INTS6: variants seen among roughly 807,000 people sequenced by gnomAD.
INTS6 encodes integrator complex subunit 6.
Under a neutral mutation model 104.9 loss-of-function variants are expected in INTS6, and 16 were observed. The observed-to-expected ratio is 0.15, with a 90% confidence interval of 0.10 to 0.23. INTS6 has a LOEUF of 0.23. Among genes scored for constraint, INTS6 ranks in the 10% least tolerant of loss-of-function variants. The pLI, the probability that INTS6 is intolerant of heterozygous loss-of-function variation, is 1.00. For missense variants in INTS6, 584 were observed against 1,062.8 expected (o/e 0.55, Z 6.26); for synonymous variants, 324 against 358.7 (o/e 0.90, Z 1.09).
At chr13:51,361,338 A>G (rs75627877), downstream of INTS6, 3,549 of 1,609,296 alleles carry the variant, frequency 2.2e-3, 69 homozygotes, top group African/African-American at 0.037. Flanking sequence ...GTTTTGGAGG[A>G]AGGCACCAAG....
chr13:51,432,725 G>A (rs116353878), intron 3 of INTS6, among the ~76,000 whole-genome samples: 2 of 152,186 alleles, frequency 1.3e-5, no homozygotes, highest in African/African-American at 2.4e-5. Context: ...CAAATTCAAC[G>A]CATAACAACT....
chr13:51,436,672 T>A (rs544205230), intron 3 of INTS6: 2 of 151,968 alleles, frequency 1.3e-5, no homozygotes, highest in South Asian at 2.1e-4. Flanking sequence ...TAAAAAAAAA[T>A]AATAATAACA....
chr13:51,435,066 G>T (rs1957161579), intron 3 of INTS6, among the ~76,000 whole-genome samples: 1 of 151,728 alleles, frequency 6.6e-6, no homozygotes, highest in African/African-American at 2.4e-5. Context: ...TCCTTTAGAA[G>T]TTCTGTCAAT....
At chr13:51,337,792 C>T in the INTS6 span, among the ~76,000 whole-genome samples, 2 of 152,176 alleles carry the variant, frequency 1.3e-5, no homozygotes, top group African/African-American at 4.8e-5. Flanking sequence ...CAGTAATGCT[C>T]TCTATATATG....
intron 4 of INTS6, among the ~76,000 whole-genome samples, chr13:51,403,902 G>A (rs145878555): frequency 6.6e-6 from 1 of 152,110 alleles, no homozygotes; most frequent in African/African-American, 2.4e-5. Context: ...CAGATCACAA[G>A]CACCTCTCAG....
In INTS6 at chr13:51,387,667, A is replaced by AT. The variant is rs1287530916; in HGVS notation, c.740-128dup. ...CTAATATCTTTTTCCAGGTTTTCCT[A>AT]TTTTTCTTAAATGGCAGAACACTAT... On this transcript the variant is annotated intron_variant, in intron 6 of 17. Coordinates refer to ENST00000311234, the MANE Select transcript of INTS6 (RefSeq NM_012141.3). The AT allele has an allele frequency of 5.5e-6, 4 of 722,040 alleles. No individual in the cohort carries two copies. The African/African-American group carries it at 7.3e-5, about 13-fold the overall frequency. 44.7% of individuals were successfully genotyped at this position (722,040 alleles called of 1,614,324 possible). A position where few individuals can be genotyped will look rare whatever the true frequency, so the allele number is the denominator to read the frequency against.
In INTS6 at chr13:51,441,550, A is replaced by G. The variant is rs548242400; in HGVS notation, c.339+9475T>C. ...TTTCAAAACTACCTTAAGTTAAATG[A>G]AAATATGGTAGTTAACTCATCAACT... is the stretch of plus-strand genomic sequence containing the variant. On this transcript the variant is annotated intron_variant, in intron 3 of 17. Coordinates refer to ENST00000311234, the MANE Select transcript of INTS6 (RefSeq NM_012141.3). 2.0e-5 allele frequency: 3 copies of G among 152,290 alleles called. No individual in the cohort carries two copies. The East Asian group carries it at 5.8e-4, about 29-fold the overall frequency. 9.4% of individuals were successfully genotyped at this position (152,290 alleles called of 1,614,324 possible). A position where few individuals can be genotyped will look rare whatever the true frequency, so the allele number is the denominator to read the frequency against.
chr13:51,430,201 C>T lies in INTS6; in HGVS notation c.429+93G>A, dbSNP rs147234424. ...ACTCTAAATTGCATCAAATAATCAA[C>T]GAGAGAACCTATTAAAGGTGTTCAG... On this transcript the variant is annotated intron_variant, in intron 4 of 17. Coordinates refer to ENST00000311234, the MANE Select transcript of INTS6 (RefSeq NM_012141.3). 4,200 of 1,000,542 alleles carry T rather than the reference C, an allele frequency of 4.2e-3. 17 individuals are homozygous for T. The highest frequency in any genetic ancestry group is 6.3e-3 in the Middle Eastern group (29 of 4,590). The allele number at this position is 1,000,542 out of a possible 1,614,324, so 62.0% of individuals were successfully genotyped here. A position where few individuals can be genotyped will look rare whatever the true frequency, so the allele number is the denominator to read the frequency against.
chr13:51,348,121 A>T, the INTS6 span: 1 of 959,832 alleles, frequency 1.0e-6, no homozygotes, highest in Non-Finnish European at 1.6e-6. Flanking sequence ...TATTGTTTCC[A>T]GTCCTCTGAG....
At chr13:51,351,801 GAATT>G (rs1373841542), downstream of INTS6, among the ~76,000 whole-genome samples, 1 of 151,880 alleles carries the variant, frequency 6.6e-6, no homozygotes, top group African/African-American at 2.4e-5. Context: ...AATCCATTTT[GAATT>G]AATTATTGTA....
intron 6 of INTS6, among the ~76,000 whole-genome samples, chr13:51,388,459 T>C (rs1199874377): frequency 6.6e-6 from 1 of 152,006 alleles, no homozygotes; most frequent in Non-Finnish European, 1.5e-5. Context: ...AATGGTGTGA[T>C]CTCCACTCAC....
intron 5 of INTS6, 66 bp from the exon 6 acceptor site, chr13:51,389,510 C>T: frequency 7.0e-7 from 1 of 1,419,108 alleles, no homozygotes; most frequent in African/African-American, 1.5e-5. Flanking sequence ...TGCAAGAATT[C>T]CTATCATTAG....
intron 3 of INTS6, chr13:51,445,185 T>C (rs1952885789): frequency 6.6e-6 from 1 of 152,212 alleles, no homozygotes; most frequent in Non-Finnish European, 1.5e-5. Context: ...AAAGAATGAC[T>C]TTCTGACTTA....
intron 3 of INTS6, among the ~76,000 whole-genome samples, chr13:51,435,113 C>A (rs1411507680): frequency 6.6e-6 from 1 of 151,624 alleles, no homozygotes; most frequent in East Asian, 1.9e-4. Context: ...TAGCCTTTAT[C>A]ATAATTATAA....
intron 4 of INTS6, among the ~76,000 whole-genome samples, chr13:51,420,738 A>T (rs970219956): frequency 7.9e-5 from 12 of 151,596 alleles, no homozygotes; most frequent in Non-Finnish European, 1.3e-4. Context: ...AATCAAGAGA[A>T]TACCTTGCTA....
chr13:51,438,645 C>G (rs148892308), intron 3 of INTS6: 2 of 152,206 alleles, frequency 1.3e-5, no homozygotes, highest in Non-Finnish European at 2.9e-5. Flanking sequence ...TTTCTACTAC[C>G]TATTTAGGCC....
intron 16 of INTS6, 80 bp from the exon 17 acceptor site, chr13:51,367,978 T>G (rs1955726394): frequency 1.3e-6 from 1 of 742,792 alleles, no homozygotes. Flanking sequence ...TTGCAGTTTA[T>G]GATATTAAGA....
At chr13:51,440,005 G>C (rs1233267624) in intron 3 of INTS6, 1 of 152,434 alleles carries the variant, frequency 6.6e-6, no homozygotes, top group Non-Finnish European at 1.5e-5. Flanking sequence ...TTGGGAGGCC[G>C]AGGCGGGCGG....
chr13:51,387,281 G>C (rs1204396495), intron 7 of INTS6, 105 bp downstream of exon 7: 2 of 1,065,082 alleles, frequency 1.9e-6, no homozygotes, highest in Admixed American at 4.8e-5. Context: ...TTGAACATCT[G>C]TCTAATCCCC....
Sources: allele counts gnomAD v4.1 joint callset (sites outside exome capture counted in the v4.1 genomes callset), GRCh38; gene constraint gnomAD v4.1.1; transcripts MANE v1.5; gene names NCBI Gene and HGNC (gene_info 2026-07-23, HGNC 2026-07-21).